The following CCDC3 variants were observed in gnomAD, a reference collection of about 807,000 sequenced individuals.
The protein encoded by CCDC3 is coiled-coil domain containing 3, also known as coiled-coil domain-containing protein 3.
A neutral mutation model predicts 21.4 loss-of-function variants in CCDC3; 24 were observed. The observed-to-expected ratio is 1.12, with a 90% CI of 0.81 to 1.58. The LOEUF (loss-of-function observed/expected upper bound fraction) is 1.58, where lower values mean the gene tolerates loss of function less well. Ranked by LOEUF, CCDC3 falls within the 40% of genes most tolerant of loss-of-function variation. The probability of loss-of-function intolerance (pLI) is 0.00; values close to 1 mark genes in which losing one functional copy is unlikely to be tolerated. For missense variants in CCDC3, 425 were observed against 360.9 expected, an observed-to-expected ratio of 1.18 and a Z score of -1.44; for synonymous variants, 186 against 166.0, an observed-to-expected ratio of 1.12 and a Z score of -0.93.
intron 2 of CCDC3, among the ~76,000 whole-genome samples, chr10:12,934,753 C>CACA (rs1834708247): frequency 6.6e-6 from 1 of 152,056 alleles, no homozygotes; most frequent in African/African-American, 2.4e-5. Context: ...ATTAATATAG[C>CACA]TACTCCTGTT....
intron 5 of CCDC3, among the ~76,000 whole-genome samples, chr10:13,041,883 T>C (rs1375733729): frequency 6.6e-6 from 1 of 151,894 alleles, no homozygotes; most frequent in Non-Finnish European, 1.5e-5. Flanking sequence ...TGCCTCAACC[T>C]ACCAAAGTGC....
At chr10:13,087,228 A>C (rs1233831687) in intron 3 of CCDC3, among the ~76,000 whole-genome samples, 1 of 152,074 alleles carries the variant, frequency 6.6e-6, no homozygotes, top group Non-Finnish European at 1.5e-5. Flanking sequence ...AACATGGAGA[A>C]ACCCAGTCTC....
intron 2 of CCDC3, among the ~76,000 whole-genome samples, chr10:12,962,585 G>A (rs969174233): frequency 1.3e-5 from 2 of 152,176 alleles, no homozygotes; most frequent in African/African-American, 2.4e-5. Context: ...CCTGGTGACA[G>A]AGCAAGACTC....
chr10:12,934,489 A>C (rs1382850028), intron 2 of CCDC3, among the ~76,000 whole-genome samples: 1 of 152,192 alleles, frequency 6.6e-6, no homozygotes, highest in Non-Finnish European at 1.5e-5. Context: ...TTTTGGGTTC[A>C]AGTATGTCTT....
intron 2 of CCDC3, among the ~76,000 whole-genome samples, chr10:12,923,669 C>CT (rs1224202667): frequency 4.6e-5 from 7 of 152,144 alleles, no homozygotes; most frequent in Non-Finnish European, 8.8e-5. Context: ...CATTTCTATC[C>CT]TTTTTTCACC....
intron 5 of CCDC3, among the ~76,000 whole-genome samples, chr10:13,042,782 G>A (rs562680454): frequency 7.2e-5 from 11 of 151,800 alleles, no homozygotes; most frequent in Admixed American, 2.0e-4. Flanking sequence ...GGTGGCGGGC[G>A]CCTGTAGTCC....
chr10:13,059,134 A>C (rs1243382257), intron 4 of CCDC3, among the ~76,000 whole-genome samples: 6 of 152,188 alleles, frequency 3.9e-5, no homozygotes, highest in African/African-American at 1.2e-4. Flanking sequence ...GCATACGCAC[A>C]CTTCGTAAGG....
chr10:13,014,924 C>T (rs1161007374), intron 5 of CCDC3, among the ~76,000 whole-genome samples: 1 of 152,068 alleles, frequency 6.6e-6, no homozygotes, highest in Non-Finnish European at 1.5e-5. Context: ...GAGAATAAAA[C>T]AAATCTTCGT....
chr10:12,952,047 A>C (rs896006305), intron 2 of CCDC3, among the ~76,000 whole-genome samples: 2 of 152,318 alleles, frequency 1.3e-5, no homozygotes, highest in East Asian at 1.9e-4. Flanking sequence ...ATAAGGAAAT[A>C]AAGGTACAGA....
chr10:12,906,000 G>T (rs148781443), intron 2 of CCDC3, among the ~76,000 whole-genome samples: 3 of 152,208 alleles, frequency 2.0e-5, no homozygotes, highest in Non-Finnish European at 4.4e-5. Flanking sequence ...CACGTCCTCC[G>T]TAGTGCCTTT....
intron 4 of CCDC3, among the ~76,000 whole-genome samples, chr10:13,050,770 T>C (rs1836596040): frequency 6.6e-6 from 1 of 151,996 alleles, no homozygotes; most frequent in Non-Finnish European, 1.5e-5. Flanking sequence ...GTATTTATTC[T>C]TTATCATTAC....
chr10:13,062,671 T>C (rs1169478173), intron 4 of CCDC3, among the ~76,000 whole-genome samples: 1 of 152,110 alleles, frequency 6.6e-6, no homozygotes, highest in African/African-American at 2.4e-5. Context: ...ATGGTTTAAG[T>C]AAAGATGGTA....
chr10:12,984,533 C>T (rs568322266), intron 2 of CCDC3, among the ~76,000 whole-genome samples: 1 of 152,300 alleles, frequency 6.6e-6, no homozygotes, highest in Middle Eastern at 3.4e-3. Flanking sequence ...TACCATCTGA[C>T]CCAGCAATTC....
At chr10:12,942,080 CATTTTCTCTCTT>C (rs1834840989) in intron 2 of CCDC3, among the ~76,000 whole-genome samples, 1 of 152,158 alleles carries the variant, frequency 6.6e-6, no homozygotes, top group Non-Finnish European at 1.5e-5. Context: ...TTGAGATGTC[CATTTTCTCTCTT>C]GTTTTCTCTA....
chr10:12,910,418 T>C (rs2131203161), intron 2 of CCDC3, among the ~76,000 whole-genome samples: 1 of 152,234 alleles, frequency 6.6e-6, no homozygotes, highest in African/African-American at 2.4e-5. Flanking sequence ...TAACCATATG[T>C]CCCCAAATAA....
Position 13,041,504 on chromosome 10 carries a change from A to ATTTTTTTTTTTTT in CCDC3, c.-2+8157_-2+8169dup, listed in dbSNP as rs71477255. The stretch of plus-strand genomic sequence containing the variant: ...GTTCACTCCAAGTGTCTGGCAGATA[A>ATTTTTTTTTTTTT]TTTTTTTTTTTTTTTTTTTTTTTTT... On this transcript the variant is annotated intron_variant, in intron 5 of 6. Coordinates refer to the CCDC3 transcript ENST00000378839. Among the ~76,000 whole-genome samples the ATTTTTTTTTTTTT allele has an allele frequency of 9.7e-5, 6 of 62,110 alleles. 1 individual carries two copies. Among genetic ancestry groups the ATTTTTTTTTTTTT allele is most frequent in the African/African-American group, 2.4e-4 (3 of 12,290 alleles). 40.7% of individuals were successfully genotyped at this position (62,110 alleles called of 152,430 possible). A position where few individuals can be genotyped will look rare whatever the true frequency, so the allele number is the denominator to read the frequency against.
At chr10:12,951,576 C>G (rs892007407) in intron 2 of CCDC3, among the ~76,000 whole-genome samples, 1 of 151,948 alleles carries the variant, frequency 6.6e-6, no homozygotes, top group African/African-American at 2.4e-5. Context: ...GAGGCTGAGA[C>G]GGGTGGATCA....
At chr10:12,983,162 A>ATATATT (rs1835532522) in intron 2 of CCDC3, among the ~76,000 whole-genome samples, 2 of 93,848 alleles carry the variant, frequency 2.1e-5, no homozygotes, top group African/African-American at 8.2e-5. Flanking sequence ...ATATATATAT[A>ATATATT]TATATATATA....
chr10:13,086,330 T>C (rs1837104359), intron 3 of CCDC3, among the ~76,000 whole-genome samples: 1 of 152,260 alleles, frequency 6.6e-6, no homozygotes, highest in African/African-American at 2.4e-5. Context: ...TCTTTTGAGA[T>C]ATTTCCAAAG....
Sources: allele counts gnomAD v4.1 joint callset (sites outside exome capture counted in the v4.1 genomes callset), GRCh38; gene constraint gnomAD v4.1.1; transcripts MANE v1.5; gene names NCBI Gene and HGNC (gene_info 2026-07-23, HGNC 2026-07-21).